Variants in BUB1 observed in about 807,000 individuals in gnomAD.
The protein encoded by BUB1 is mitotic checkpoint serine/threonine-protein kinase BUB1.
Under a neutral mutation model 135.2 loss-of-function variants are expected in BUB1, and 84 were observed. That is an observed-to-expected ratio of 0.62 (90% CI 0.52 to 0.74). BUB1 has a LOEUF of 0.74. BUB1 is among the 30% of genes least tolerant of loss of function. The pLI, the probability that BUB1 is intolerant of heterozygous loss-of-function variation, is 0.00. For missense variants in BUB1, 1,162 were observed against 1,288.3 expected, an observed-to-expected ratio of 0.90 and a Z score of 1.50; for synonymous variants, 403 against 434.4, an observed-to-expected ratio of 0.93 and a Z score of 0.90.
rs5833370 is a variant in BUB1 at position 110,637,585 on chromosome 2, A to AGTGTGT, written c.*373_*378dup. ...TGAAGTCCCTTGGAAATGTTAGGGA[A>AGTGTGT]GTGTGTGTGTGTGTGTGTGTGTGTG... On this transcript the variant is annotated 3_prime_UTR_variant, in exon 25 of 25. Coordinates refer to ENST00000302759, the MANE Select transcript of BUB1 (RefSeq NM_004336.5). The AGTGTGT allele has an allele frequency of 0.056, 8,274 of 147,560 alleles. 329 individuals carry two copies. Among genetic ancestry groups the AGTGTGT allele is most frequent in the African/African-American group, 0.11 (4,386 of 39,794 alleles). 9.1% of individuals were successfully genotyped at this position (147,560 alleles called of 1,614,324 possible).
intron 4 of BUB1, among the ~76,000 whole-genome samples, chr2:110,672,301 G>A (rs1319414077): frequency 6.6e-6 from 1 of 152,160 alleles, no homozygotes; most frequent in Non-Finnish European, 1.5e-5. Flanking sequence ...CAATTGGAGA[G>A]TGGATTATGA....
At position 110,674,120 on chromosome 2, in the gene BUB1, T is replaced by C. The variant is rs1690506525; in HGVS notation, c.191A>G (p.Asn64Ser). 6.5e-7 allele frequency: 1 copy of C among 1,550,030 alleles called. No individual in the cohort carries two copies. ...ACAATAACTGATGAATCTTGGGTCA[T>C]TGTGGTATTTCTTCTTATCTAAAAA... ...KEFLDKKKYHNDPRFISYCLK... is the reference protein window; with the variant it reads ...KEFLDKKKYHSDPRFISYCLK... Residue 64 changes from asparagine (N) to serine (S), a missense_variant, in exon 3 of 25, where the codon AAT (asparagine) becomes AGT (serine). Physicochemically the swap from Asn to Ser is conservative, Grantham distance 46. Transcript: ENST00000302759.
At chr2:110,645,434 T>G (rs1689617368) in intron 19 of BUB1, among the ~76,000 whole-genome samples, 1 of 146,678 alleles carries the variant, frequency 6.8e-6, no homozygotes, top group African/African-American at 2.5e-5. Context: ...AGAGCGAGAC[T>G]CCTTCTCAAA....
rs374353465 is a variant in BUB1, at chr2:110,641,453, G to A, written c.2637C>T (p.Asn879=). The A allele has an allele frequency of 8.1e-6, 13 of 1,606,624 alleles. No individual in the cohort carries two copies. In the African/African-American group the frequency reaches 1.6e-4, roughly 20 times the overall value. The change falls in exon 22 of 25, where the codon AAC becomes AAT. Residue 879 remains asparagine (N), a synonymous_variant. Transcript: ENST00000302759. ...YSYGTLLNAI[N]LYKNTPEKVM... The stretch of plus-strand genomic sequence containing the variant: ...CTTTTTCAGGGGTATTTTTATAGAG[G>A]TTAATGGCATTCTAGGAACAATGGA...
In BUB1 at chr2:110,678,037, A is replaced by C. The variant is rs1275217964; in HGVS notation, c.-42T>G. 2 of 1,582,586 alleles carry C rather than the reference A, an allele frequency of 1.3e-6. No individual in the cohort carries two copies. On this transcript the variant is annotated 5_prime_UTR_variant, in exon 1 of 25. Transcript: ENST00000302759. ...CCGGCAGCGGCCAAACCTGAACCGC[A>C]AACTAGAAGCCGCCGCCGATTCGAA...
chr2:110,653,404 G>T, intron 17 of BUB1, 32 bp downstream of exon 17: 2 of 1,581,150 alleles, frequency 1.3e-6, no homozygotes, highest in Non-Finnish European at 1.7e-6. Flanking sequence ...AAAATGAAGA[G>T]AATGGCAGAA....
rs761855882 is a variant in BUB1 at position 110,672,712 on chromosome 2, C to G, written c.371G>C (p.Arg124Thr). Residue 124 changes from arginine (R) to threonine (T), a missense_variant, in exon 4 of 25, where the codon AGA becomes ACA. Physicochemically the swap from Arg to Thr is moderately conservative, Grantham distance 71 (BLOSUM62 -1). Coordinates refer to ENST00000302759, the MANE Select transcript of BUB1 (RefSeq NM_004336.5). ...GGGTTCAGCCTGGTTTTGAATTCCT[C>G]TCTGAAGGACAGCACTGGCATGCTG... is the stretch of plus-strand genomic sequence containing the variant. ...ELQHASAVLQ[R>T]GIQNQAEPRE... is the part of the protein sequence containing the mutation. 8.7e-6 allele frequency: 14 copies of G among 1,612,610 alleles called. 1 individual carries two copies. In the South Asian group the frequency reaches 1.2e-4, roughly 14 times the overall value.
rs1301282228 is a variant in BUB1, at chr2:110,658,537, A to T, written c.1406-17T>A. The T allele has an allele frequency of 6.2e-7, 1 of 1,613,578 alleles. No individual in the cohort carries two copies. Among genetic ancestry groups the T allele is most frequent in the Non-Finnish European group, 8.5e-7 (1 of 1,179,818 alleles). On this transcript the variant is annotated splice_polypyrimidine_tract_variant and intron_variant, in intron 12 of 24. Transcript: ENST00000302759. ...TGATGAAACCTTAAAGAACAAAAAG[A>T]ATAATTGTAAACAGGTTGCAAAAGA...
intron 19 of BUB1, among the ~76,000 whole-genome samples, chr2:110,643,363 G>A (rs1016359248): frequency 2.0e-5 from 3 of 151,986 alleles, no homozygotes; most frequent in African/African-American, 7.3e-5. Flanking sequence ...AAGATAACAG[G>A]GGAAACAAAA....
intron 15 of BUB1, 119 bp downstream of exon 15, chr2:110,656,917 G>T: frequency 1.7e-6 from 1 of 589,706 alleles, no homozygotes; most frequent in Non-Finnish European, 2.8e-6. Flanking sequence ...TTCTTCCTAT[G>T]TTTCATAGTT....
intron 9 of BUB1, among the ~76,000 whole-genome samples, chr2:110,663,630 G>T (rs1442913256): frequency 6.6e-6 from 1 of 152,228 alleles, no homozygotes; most frequent in East Asian, 1.9e-4. Context: ...TAGGAGCGGT[G>T]TGTCCCTAAT....
chr2:110,678,039 A>T lies in BUB1; in HGVS notation c.-44T>A, dbSNP rs1690643460. On this transcript the variant is annotated 5_prime_UTR_variant, in exon 1 of 25. Coordinates refer to ENST00000302759, the MANE Select transcript of BUB1 (RefSeq NM_004336.5). ...GGCAGCGGCCAAACCTGAACCGCAA[A>T]CTAGAAGCCGCCGCCGATTCGAATA... is the stretch of plus-strand genomic sequence containing the variant. 1.3e-6 allele frequency: 2 copies of T among 1,577,612 alleles called. No individual in the cohort carries two copies. Among genetic ancestry groups the T allele is most frequent in the African/African-American group, 2.7e-5 (2 of 73,656 alleles).
intron 15 of BUB1, among the ~76,000 whole-genome samples, chr2:110,656,654 C>T (rs1436711466): frequency 1.1e-4 from 16 of 152,202 alleles, no homozygotes; most frequent in Non-Finnish European, 2.9e-5. Flanking sequence ...TAGGCAGAAT[C>T]TCCCATGTTT....
In BUB1 at chr2:110,661,931, T is replaced by C. The variant is rs914869819; in HGVS notation, c.958-90A>G. On this transcript the variant is annotated intron_variant, in intron 9 of 24. Coordinates refer to ENST00000302759, the MANE Select transcript of BUB1 (RefSeq NM_004336.5). ...CATTACATCTTCTCAAAGCATGGCATCTGTCTTCAATGGATTCCTTTTTCC... is the reference window on the plus strand; with the variant it reads ...CATTACATCTTCTCAAAGCATGGCACCTGTCTTCAATGGATTCCTTTTTCC... 4.8e-6 allele frequency: 7 copies of C among 1,471,008 alleles called. 1 individual carries two copies. The South Asian group carries it at 6.6e-5, about 14-fold the overall frequency. 91.1% of individuals were successfully genotyped at this position (1,471,008 alleles called of 1,614,324 possible).
intron 15 of BUB1, 72 bp downstream of exon 15, chr2:110,656,964 G>C: frequency 5.4e-6 from 6 of 1,109,630 alleles, no homozygotes; most frequent in Non-Finnish European, 8.0e-6. Context: ...TCCTCTGACT[G>C]GCATAATCAT....
At chr2:110,663,878 A>C (rs1559172161) in intron 9 of BUB1, among the ~76,000 whole-genome samples, 1 of 152,014 alleles carries the variant, frequency 6.6e-6, no homozygotes, top group African/African-American at 2.4e-5. Flanking sequence ...ATACAAAAAA[A>C]ATTAGCCAGG....
chr2:110,647,182 C>T (rs1333555517), intron 19 of BUB1, among the ~76,000 whole-genome samples: 1 of 152,102 alleles, frequency 6.6e-6, no homozygotes, highest in African/African-American at 2.4e-5. Flanking sequence ...CCTATCTCAT[C>T]CTAAGGGGCT....
At chr2:110,661,515 G>C in intron 10 of BUB1, 67 bp downstream of exon 10, 1 of 1,532,732 alleles carries the variant, frequency 6.5e-7, no homozygotes, top group Non-Finnish European at 8.9e-7. Context: ...TGATAATGCA[G>C]GTCATGTAAA....
intron 24 of BUB1, among the ~76,000 whole-genome samples, chr2:110,638,843 T>G (rs758988799): frequency 1.3e-5 from 2 of 152,236 alleles, no homozygotes; most frequent in Admixed American, 1.3e-4. Context: ...TAAAGAATAG[T>G]TGTTATAAGC....
Sources: allele counts gnomAD v4.1 joint callset (sites outside exome capture counted in the v4.1 genomes callset), GRCh38; gene constraint gnomAD v4.1.1; transcripts MANE v1.5; gene names NCBI Gene and HGNC (gene_info 2026-07-23, HGNC 2026-07-21).